The following NFIB variants were observed in gnomAD, a reference collection of about 807,000 sequenced individuals.
NFIB encodes nuclear factor 1 B-type.
NFIB carries 11 observed loss-of-function variants against 61.5 expected under a neutral mutation model. The ratio of observed to expected loss-of-function variants is 0.18; its 90% CI spans 0.11 to 0.30. NFIB has a LOEUF of 0.30. NFIB is among the 10% of genes least tolerant of loss of function. NFIB has a pLI of 1.00. For missense variants in NFIB, 471 were observed against 608.9 expected (o/e 0.77, Z 2.38); for synonymous variants, 260 against 216.5 (o/e 1.20, Z -1.76).
upstream of NFIB, among the ~76,000 whole-genome samples, chr9:14,315,558 C>T (rs1485440846): frequency 1.1e-4 from 15 of 142,312 alleles, no homozygotes; most frequent in Non-Finnish European, 1.4e-4. Flanking sequence ...GGCCGGCGGG[C>T]GCGCGCGCGC....
chr9:14,419,047 C>T, the NFIB span, among the ~76,000 whole-genome samples: 1 of 151,892 alleles, frequency 6.6e-6, no homozygotes, highest in South Asian at 2.1e-4. Flanking sequence ...AAATGTCTAT[C>T]GGCAACCTGC....
At chr9:14,303,889 A>G (rs1025784360) in intron 2 of NFIB, among the ~76,000 whole-genome samples, 2 of 152,210 alleles carry the variant, frequency 1.3e-5, no homozygotes, top group African/African-American at 4.8e-5. Flanking sequence ...GTTACTCCCA[A>G]ATGATGTGTA....
chr9:14,446,119 C>G, the NFIB span, among the ~76,000 whole-genome samples: 3 of 152,164 alleles, frequency 2.0e-5, no homozygotes, highest in Non-Finnish European at 4.4e-5. Flanking sequence ...ACCCGAAGAA[C>G]GTGCCTTTGC....
At chr9:14,250,690 G>A (rs578225931) in intron 2 of NFIB, among the ~76,000 whole-genome samples, 13 of 152,240 alleles carry the variant, frequency 8.5e-5, no homozygotes, top group South Asian at 4.2e-4. Context: ...ATTCATCACC[G>A]GGATTACAGT....
At chr9:14,525,446 C>T in the NFIB span, among the ~76,000 whole-genome samples, 1 of 152,120 alleles carries the variant, frequency 6.6e-6, no homozygotes, top group Non-Finnish European at 1.5e-5. Context: ...GAGTGGCCTC[C>T]CCTGTAAAGT....
chr9:14,525,563 C>T, the NFIB span, among the ~76,000 whole-genome samples: 1 of 152,036 alleles, frequency 6.6e-6, no homozygotes, highest in African/African-American at 2.4e-5. Context: ...AGAGGAGGCC[C>T]TCCGTAGTCA....
At chr9:14,500,540 G>C in the NFIB span, among the ~76,000 whole-genome samples, 29,210 of 152,006 alleles carry the variant, frequency 0.19, 3,084 homozygotes, top group East Asian at 0.37. Flanking sequence ...CTTATAAAGA[G>C]TCACACTGTC....
At chr9:14,399,558 T>G (rs928198486), upstream of NFIB, among the ~76,000 whole-genome samples, 1 of 152,208 alleles carries the variant, frequency 6.6e-6, no homozygotes, top group Non-Finnish European at 1.5e-5. Flanking sequence ...TGGTTTTTAA[T>G]TTTTAACGTT....
At chr9:14,168,565 G>A (rs913635502) in intron 3 of NFIB, among the ~76,000 whole-genome samples, 1 of 152,304 alleles carries the variant, frequency 6.6e-6, no homozygotes, top group Admixed American at 6.5e-5. Flanking sequence ...TCATGCTAAC[G>A]AGCTAGGCTT....
chr9:14,271,376 C>T (rs2057610728), intron 2 of NFIB, among the ~76,000 whole-genome samples: 1 of 152,032 alleles, frequency 6.6e-6, no homozygotes, highest in Non-Finnish European at 1.5e-5. Context: ...AGAAATGCCT[C>T]CTTAGTTGAA....
chr9:14,501,753 G>C, the NFIB span, among the ~76,000 whole-genome samples: 1 of 152,338 alleles, frequency 6.6e-6, no homozygotes, highest in Non-Finnish European at 1.5e-5. Flanking sequence ...GAGCATCAGA[G>C]GGAAAGAGCA....
intron 3 of NFIB, among the ~76,000 whole-genome samples, chr9:14,170,945 G>A (rs1336321710): frequency 6.6e-6 from 1 of 152,084 alleles, no homozygotes; most frequent in Non-Finnish European, 1.5e-5. Context: ...ATTTTACTTG[G>A]ATTCTATGTT....
chr9:14,428,974 C>G, the NFIB span, among the ~76,000 whole-genome samples: 2 of 152,154 alleles, frequency 1.3e-5, no homozygotes, highest in Admixed American at 1.3e-4. Flanking sequence ...GGCAATTTCG[C>G]TTATCCCGGC....
chr9:14,463,848 G>A, the NFIB span, among the ~76,000 whole-genome samples: 2 of 151,784 alleles, frequency 1.3e-5, no homozygotes, highest in Admixed American at 1.3e-4. Context: ...TTTTAGTAGA[G>A]ACAGGGTTTC....
Position 14,084,980 on chromosome 9 carries a change from A to G in NFIB, c.*3329T>C, listed in dbSNP as rs567716374. 5.2e-5 allele frequency: 12 copies of G among 230,106 alleles called. No homozygotes were observed. Among genetic ancestry groups the G allele is most frequent in the Non-Finnish European group, 7.8e-5 (9 of 115,836 alleles). 14.3% of individuals were successfully genotyped at this position (230,106 alleles called of 1,614,324 possible). On this transcript the variant is annotated 3_prime_UTR_variant, in exon 11 of 11. Transcript: ENST00000380953. ...CTGCTCACTGGCAAAAAAGAGAGCG[A>G]GTCTGCCTTTAAAAAATACTGTGTG...
At chr9:14,360,781 T>G (rs1237495146) in intron 1 of NFIB, among the ~76,000 whole-genome samples, 1 of 152,102 alleles carries the variant, frequency 6.6e-6, no homozygotes, top group Non-Finnish European at 1.5e-5. Flanking sequence ...CCTGACCTCG[T>G]CATCCGCCCG....
At chr9:14,221,007 T>C (rs946852713) in intron 2 of NFIB, among the ~76,000 whole-genome samples, 2 of 152,172 alleles carry the variant, frequency 1.3e-5, no homozygotes, top group East Asian at 3.9e-4. Context: ...TGAACTCCTC[T>C]AAGGCCTCCA....
At chr9:14,466,968 C>A in the NFIB span, among the ~76,000 whole-genome samples, 8 of 152,106 alleles carry the variant, frequency 5.3e-5, no homozygotes, top group Admixed American at 2.0e-4. Context: ...ATTCACCATT[C>A]CAGGACCACA....
chr9:14,297,570 G>A (rs1232661861), intron 2 of NFIB, among the ~76,000 whole-genome samples: 2 of 152,206 alleles, frequency 1.3e-5, no homozygotes, highest in African/African-American at 4.8e-5. Context: ...GCTATTTTCA[G>A]ATATTTTCTA....
Sources: allele counts gnomAD v4.1 joint callset (sites outside exome capture counted in the v4.1 genomes callset), GRCh38; gene constraint gnomAD v4.1.1; transcripts MANE v1.5; gene names NCBI Gene and HGNC (gene_info 2026-07-23, HGNC 2026-07-21).